Variants in LGI3 observed in about 807,000 individuals in gnomAD.
The protein encoded by LGI3 is leucine-rich repeat LGI family member 3.
Under a neutral mutation model 55.4 loss-of-function variants are expected in LGI3, and 47 were observed. That is an observed-to-expected ratio of 0.85 (90% CI 0.67 to 1.08). LGI3 has a LOEUF of 1.08. LGI3 is among the 50% of genes least tolerant of loss of function. The pLI is 0.00. For missense variants in LGI3, 664 were observed against 726.3 expected (o/e 0.91, Z 0.99); for synonymous variants, 326 against 315.0 (o/e 1.04, Z -0.37).
intron 2 of LGI3, 53 bp from the exon 3 acceptor site, chr8:22,154,684 G>C: frequency 7.4e-7 from 1 of 1,357,574 alleles, no homozygotes; most frequent in Non-Finnish European, 1.1e-6. Context: ...TGCTGCCCCA[G>C]CCCCCAGCCC....
rs1320407762 is a variant in LGI3 at position 22,153,079 on chromosome 8, T to C, written c.494+889A>G. ...AAAAAAAAATTTTTTAAAGTACTTTTTTTTTTTTTTTTTTAATATTTTGAG... is the reference window on the plus strand; with the variant it reads ...AAAAAAAAATTTTTTAAAGTACTTTCTTTTTTTTTTTTTTAATATTTTGAG... On this transcript the variant is annotated intron_variant, in intron 5 of 7. Coordinates refer to ENST00000306317, the MANE Select transcript of LGI3 (RefSeq NM_139278.4). Among the ~76,000 whole-genome samples the C allele has an allele frequency of 4.9e-3, 731 of 150,384 alleles. 5 individuals carry two copies. The highest frequency in any genetic ancestry group is 0.017 in the African/African-American group (696 of 41,038).
At chr8:22,155,092 G>A (rs1586410481) in intron 2 of LGI3, 1 of 472,378 alleles carries the variant, frequency 2.1e-6, no homozygotes, top group East Asian at 3.8e-5. Flanking sequence ...GCCCACCTTG[G>A]GCACTAGCCC....
chr8:22,154,009 C>A lies in LGI3; in HGVS notation c.453G>T (p.Leu151=). The A allele has an allele frequency of 6.2e-7, 1 of 1,614,198 alleles. No homozygotes were observed. Among genetic ancestry groups the A allele is most frequent in the Non-Finnish European group, 8.5e-7 (1 of 1,180,042 alleles). The change falls in exon 5 of 8, where the codon CTG becomes CTT. Residue 151 remains leucine (L), a synonymous_variant. Transcript: ENST00000306317. ...CCAGGGGCCGGAAGATGTCTCTGGG[C>A]AGTGTCTGCAGGTTATTGTTGGCCA... is the stretch of plus-strand genomic sequence containing the variant. The part of the protein sequence containing the change: ...LSLANNNLQT[L]PRDIFRPLDI...
In LGI3 at chr8:22,154,545, T is replaced by A; in HGVS notation, c.350+15A>T. The A allele has an allele frequency of 6.2e-7, 1 of 1,612,444 alleles. No individual in the cohort carries two copies. Among genetic ancestry groups the A allele is most frequent in the Non-Finnish European group, 8.5e-7 (1 of 1,178,546 alleles). ...TCCCTTCTGCTTTCCCATTGCCCCTTTCCCTCCCACACACAGATACTGCAG... is the reference window on the plus strand; with the variant it reads ...TCCCTTCTGCTTTCCCATTGCCCCTATCCCTCCCACACACAGATACTGCAG... On this transcript the variant is annotated intron_variant, in intron 3 of 7. Transcript: ENST00000306317.
Position 22,148,844 on chromosome 8 carries a change from A to G in LGI3, c.963T>C (p.Ile321=). 1.9e-6 allele frequency: 3 copies of G among 1,614,198 alleles called. No individual in the cohort carries two copies. The highest frequency in any genetic ancestry group is 2.5e-6 in the Non-Finnish European group (3 of 1,180,038). The change falls in exon 8 of 8, where the codon ATT becomes ATC. Residue 321 remains isoleucine, a synonymous_variant. Coordinates refer to ENST00000306317, the MANE Select transcript of LGI3 (RefSeq NM_139278.4). This position sits in a 1 kb window ranked among gnomAD's most constrained non-coding sequence, Gnocchi z 7.0. ...TAGGCTTGCGCACGCGCTGCGGGTC[A>G]ATGTCTTGCAGCCTGGTGAAGCGCG... ...NTTRFTRLQD[I]DPQRVRKPND...
chr8:22,156,231 T>C (rs1827495662), intron 1 of LGI3, 106 bp downstream of exon 1: 13 of 1,232,402 alleles, frequency 1.1e-5, no homozygotes, highest in Non-Finnish European at 1.5e-5. Flanking sequence ...GTCCCCCTGG[T>C]CCCCGCACTC....
In LGI3 at chr8:22,148,308, T is replaced by G. The variant is rs760361032; in HGVS notation, c.1499A>C (p.Gln500Pro). 1 of 1,614,162 alleles carries G rather than the reference T, an allele frequency of 6.2e-7. No individual in the cohort carries two copies. Among genetic ancestry groups the G allele is most frequent in the Admixed American group, 1.7e-5 (1 of 60,028 alleles). Residue 500 changes from glutamine (Q) to proline (P), a missense_variant, in exon 8 of 8, where the codon CAG (glutamine) becomes CCG (proline). Physicochemically the swap from Gln to Pro is moderately conservative, Grantham distance 76. Coordinates refer to ENST00000306317, the MANE Select transcript of LGI3 (RefSeq NM_139278.4). This position sits in a 1 kb window ranked among gnomAD's most constrained non-coding sequence, Gnocchi z 7.0. ...CAGCTCCTGGAACCGTACAAACTTC[T>G]GTCGTCCCTCATCCCACTGGTAGAT... ...TQIYQWDEGR[Q>P]KFVRFQELAV...
rs373016001 is a variant in LGI3 at position 22,156,510 on chromosome 8, C to T, written c.33G>A (p.Gly11=). Residue 11 remains glycine, a synonymous_variant, in exon 1 of 8, where the codon GGG becomes GGA. Coordinates refer to ENST00000306317, the MANE Select transcript of LGI3 (RefSeq NM_139278.4). Reference sequence around the variant, plus strand: ...GCGCGGAGAGCGCCAGCAGCCCCGGCCCCGGGCCCCCCCTGGCCCGCAGCC... The same window carrying T: ...GCGCGGAGAGCGCCAGCAGCCCCGGTCCCGGGCCCCCCCTGGCCCGCAGCC... MAGLRARGGP[G]PGLLALSALG... The T allele has an allele frequency of 7.2e-7, 1 of 1,394,042 alleles. No homozygotes were observed. Among genetic ancestry groups the T allele is most frequent in the Non-Finnish European group, 9.3e-7 (1 of 1,074,462 alleles). The allele number at this position is 1,394,042 out of a possible 1,614,324, so 86.4% of individuals were successfully genotyped here.
intron 5 of LGI3, among the ~76,000 whole-genome samples, chr8:22,153,062 A>AAT (rs2131795798): frequency 6.7e-6 from 1 of 148,240 alleles, no homozygotes; most frequent in East Asian, 2.0e-4. Context: ...AAAAAAAAAA[A>AAT]TTTTTTAAAG....
intron 2 of LGI3, 58 bp downstream of exon 2, chr8:22,155,334 T>G: frequency 6.6e-7 from 1 of 1,519,408 alleles, no homozygotes; most frequent in Non-Finnish European, 9.1e-7. Flanking sequence ...AGCCCAGGAT[T>G]TGTCCCCTGC....
intron 5 of LGI3, among the ~76,000 whole-genome samples, chr8:22,153,757 A>G (rs1482817518): frequency 6.6e-6 from 1 of 151,596 alleles, no homozygotes; most frequent in Non-Finnish European, 1.5e-5. Context: ...ACATACACAC[A>G]TGGTGTCTCA....
rs772441197 is a variant in LGI3 at position 22,148,151 on chromosome 8, C to T, written c.*9G>A. 2.6e-5 allele frequency: 41 copies of T among 1,571,900 alleles called. No homozygotes were observed. The highest frequency in any genetic ancestry group is 1.9e-4 in the South Asian group (16 of 84,268). On this transcript the variant is annotated 3_prime_UTR_variant, in exon 8 of 8. Coordinates refer to ENST00000306317, the MANE Select transcript of LGI3 (RefSeq NM_139278.4). This position sits in a 1 kb window ranked among gnomAD's most constrained non-coding sequence, Gnocchi z 7.0. ...GCCACCCTGAGGAGACCAGAGGCCTCGGCACCCCCTAGGCACTGAGATCCA... is the reference window on the plus strand; with the variant it reads ...GCCACCCTGAGGAGACCAGAGGCCTTGGCACCCCCTAGGCACTGAGATCCA...
Position 22,151,648 on chromosome 8 carries a change from C to CA in LGI3, c.669dup (p.Val224CysfsTer14). The CA allele has an allele frequency of 6.2e-7, 1 of 1,613,706 alleles. No individual in the cohort carries two copies. Among genetic ancestry groups the CA allele is most frequent in the Non-Finnish European group, 8.5e-7 (1 of 1,179,812 alleles). On this transcript the variant is annotated frameshift_variant, in exon 7 of 8. Coordinates refer to ENST00000306317, the MANE Select transcript of LGI3 (RefSeq NM_139278.4). LOFTEE classifies it high-confidence loss of function. Reference sequence around the variant, plus strand: ...GGGAAGGCCAGGGTCTGGTACAACACAAAATCTGCAAGATGAGAGGTGCGT... The same window carrying CA: ...GGGAAGGCCAGGGTCTGGTACAACACAAAAATCTGCAAGATGAGAGGTGCGT...
chr8:22,150,679 A>G (rs1827366097), intron 7 of LGI3, among the ~76,000 whole-genome samples: 1 of 151,632 alleles, frequency 6.6e-6, no homozygotes, highest in South Asian at 2.1e-4. Context: ...CTTTCTAAAT[A>G]TCTCCCTCCA....
rs983909819 is a variant in LGI3 at position 22,154,541 on chromosome 8, C to G, written c.350+19G>C. 6.8e-6 allele frequency: 11 copies of G among 1,611,510 alleles called. No homozygotes were observed. The highest frequency in any genetic ancestry group is 2.7e-5 in the African/African-American group (2 of 74,876). On this transcript the variant is annotated intron_variant, in intron 3 of 7. Coordinates refer to ENST00000306317, the MANE Select transcript of LGI3 (RefSeq NM_139278.4). ...CCCCTCCCTTCTGCTTTCCCATTGC[C>G]CCTTTCCCTCCCACACACAGATACT...
In LGI3 at chr8:22,156,459, G is replaced by A. The variant is rs1827503811; in HGVS notation, c.84C>T (p.Val28=). The change falls in exon 1 of 8, where the codon GTC becomes GTT. Residue 28 remains valine (V), a synonymous_variant. Transcript: ENST00000306317. ...SALGFCLMLQ[V]SAKRPPKTPP... ...GCGTCTTGGGGGGCCTCTTAGCGCT[G>A]ACTTGCAGCATGAGGCAGAAGCCGA... The A allele has an allele frequency of 6.5e-7, 1 of 1,528,198 alleles. No homozygotes were observed. Among genetic ancestry groups the A allele is most frequent in the East Asian group, 2.5e-5 (1 of 40,580 alleles). 94.7% of individuals were successfully genotyped at this position (1,528,198 alleles called of 1,614,324 possible). A position where few individuals can be genotyped will look rare whatever the true frequency, so the allele number is the denominator to read the frequency against.
intron 7 of LGI3, among the ~76,000 whole-genome samples, chr8:22,150,842 C>T (rs1011960544): frequency 6.6e-6 from 1 of 151,758 alleles, no homozygotes; most frequent in African/African-American, 2.4e-5. Context: ...ACACATTCTG[C>T]TTAAACCCTG....
At chr8:22,152,376 T>C (rs1827390544) in intron 5 of LGI3, among the ~76,000 whole-genome samples, 1 of 152,206 alleles carries the variant, frequency 6.6e-6, no homozygotes, top group African/African-American at 2.4e-5. Flanking sequence ...ATATGCTATA[T>C]ATTCCTTACT....
chr8:22,148,018 C>T lies in LGI3; in HGVS notation c.*142G>A. 1 of 723,438 alleles carries T rather than the reference C, an allele frequency of 1.4e-6. No individual in the cohort carries two copies. Among genetic ancestry groups the T allele is most frequent in the Non-Finnish European group, 2.3e-6 (1 of 430,008 alleles). 44.8% of individuals were successfully genotyped at this position (723,438 alleles called of 1,614,324 possible). A position where few individuals can be genotyped will look rare whatever the true frequency, so the allele number is the denominator to read the frequency against. On this transcript the variant is annotated 3_prime_UTR_variant, in exon 8 of 8. Transcript: ENST00000306317. The surrounding 1 kb of genome is among the most constrained non-coding windows in gnomAD (Gnocchi z 7.0). ...TCCTGGGCCAGTCCACGGGGTGCGCCTGTACACACTGGGCGTGTGCGGATA... is the reference window on the plus strand; with the variant it reads ...TCCTGGGCCAGTCCACGGGGTGCGCTTGTACACACTGGGCGTGTGCGGATA...
Sources: allele counts gnomAD v4.1 joint callset (sites outside exome capture counted in the v4.1 genomes callset), GRCh38; gene constraint gnomAD v4.1.1; non-coding constraint Gnocchi (gnomAD v3.1); transcripts MANE v1.5; gene names NCBI Gene and HGNC (gene_info 2026-07-23, HGNC 2026-07-21).